CNNM1: variants seen among roughly 807,000 people sequenced by gnomAD.
The protein encoded by CNNM1 is cyclin and CBS domain divalent metal cation transport mediator 1, also known as metal transporter CNNM1.
Under a neutral mutation model 78.8 loss-of-function variants are expected in CNNM1, and 44 were observed. That is an observed-to-expected ratio of 0.56 (90% CI 0.44 to 0.72). The LOEUF (loss-of-function observed/expected upper bound fraction) is 0.72, where lower values mean the gene tolerates loss of function less well. Ranked by LOEUF, CNNM1 falls within the 30% of genes least tolerant of loss-of-function variation. The pLI is 0.00. For synonymous variants in CNNM1, 584 were observed against 581.5 expected, an observed-to-expected ratio of 1.00 and a Z score of -0.06; for missense variants, 1,101 against 1,292.2, an observed-to-expected ratio of 0.85 and a Z score of 2.27.
intron 1 of CNNM1, among the ~76,000 whole-genome samples, chr10:99,336,231 C>T (rs1333893994): frequency 6.6e-6 from 1 of 152,206 alleles, no homozygotes; most frequent in Non-Finnish European, 1.5e-5. Flanking sequence ...CTAACATCGT[C>T]CTAAGGCAAC....
chr10:99,365,105 G>A (rs1344758622), intron 6 of CNNM1, 103 bp downstream of exon 6: 1 of 1,149,082 alleles, frequency 8.7e-7, no homozygotes, highest in African/African-American at 1.5e-5. Context: ...CTGGGGCTAA[G>A]ACAAATGCTG....
chr10:99,356,799 A>T (rs1323971907), intron 1 of CNNM1, among the ~76,000 whole-genome samples: 5 of 152,122 alleles, frequency 3.3e-5, no homozygotes, highest in Non-Finnish European at 7.4e-5. Flanking sequence ...TGGGACTGGC[A>T]CCTAAGCACC....
At chr10:99,349,329 A>G (rs2030838783) in intron 1 of CNNM1, among the ~76,000 whole-genome samples, 1 of 152,164 alleles carries the variant, frequency 6.6e-6, no homozygotes, top group African/African-American at 2.4e-5. Flanking sequence ...AGGCATCAGT[A>G]TGTAACTCCA....
chr10:99,345,791 T>C (rs1057419290), intron 1 of CNNM1, among the ~76,000 whole-genome samples: 11 of 152,358 alleles, frequency 7.2e-5, no homozygotes, highest in African/African-American at 2.6e-4. Flanking sequence ...CAATTTTGGC[T>C]TCACCATTTA....
At position 99,330,943 on chromosome 10, in the gene CNNM1, TGGA is replaced by T. The variant is rs746145072; in HGVS notation, c.1561_1563del (p.Glu521del). On this transcript the variant is annotated inframe_deletion, in exon 1 of 11. Transcript: ENST00000356713. ...AATGACACCCGACTGGACACGGTTC[TGGA>T]GGAGTTTAAGAAGGGTGAGCAGTAG... is the stretch of plus-strand genomic sequence containing the variant. 4 of 1,612,376 alleles carry T rather than the reference TGGA, an allele frequency of 2.5e-6. No individual in the cohort carries two copies. The highest frequency in any genetic ancestry group is 3.4e-6 in the Non-Finnish European group (4 of 1,179,310).
chr10:99,334,647 T>C (rs2030086911), intron 1 of CNNM1, among the ~76,000 whole-genome samples: 1 of 152,116 alleles, frequency 6.6e-6, no homozygotes, highest in African/African-American at 2.4e-5. Context: ...AAAGACTCTG[T>C]CTCAAAATAA....
At chr10:99,356,506 G>A (rs796510215) in intron 1 of CNNM1, among the ~76,000 whole-genome samples, 59 of 131,050 alleles carry the variant, frequency 4.5e-4, no homozygotes, top group Non-Finnish European at 6.0e-4. Flanking sequence ...GAGAGAGAGA[G>A]AGAGAAAGAG....
Position 99,360,887 on chromosome 10 carries a change from C to T in CNNM1, c.1770C>T (p.Asp590=). 6.2e-7 allele frequency: 1 copy of T among 1,613,204 alleles called. No individual in the cohort carries two copies. Among genetic ancestry groups the T allele is most frequent in the Non-Finnish European group, 8.5e-7 (1 of 1,179,228 alleles). ...RVPQRERKRH[D]FSLFKLSDTE... is the part of the protein sequence containing the mutation. ...CGCAACGGGAGCGGAAGCGGCATGA[C>T]TTCTCCTTGTTTAAGCTTTCGGACA... The change falls in exon 3 of 11, where the codon GAC becomes GAT. Residue 590 remains aspartate (D), a synonymous_variant. Coordinates refer to ENST00000356713, the MANE Select transcript of CNNM1 (RefSeq NM_020348.3).
At chr10:99,363,958 T>A (rs2031523501) in intron 4 of CNNM1, among the ~76,000 whole-genome samples, 1 of 152,126 alleles carries the variant, frequency 6.6e-6, no homozygotes, top group African/African-American at 2.4e-5. Context: ...TTGGCCAGGC[T>A]AGTCTCAAAC....
At chr10:99,356,407 C>T (rs893753549) in intron 1 of CNNM1, among the ~76,000 whole-genome samples, 1 of 151,102 alleles carries the variant, frequency 6.6e-6, no homozygotes, top group Non-Finnish European at 1.5e-5. Context: ...ACCCGGAAGG[C>T]GGAGGTTGCA....
intron 1 of CNNM1, among the ~76,000 whole-genome samples, chr10:99,347,526 C>G (rs2030747222): frequency 1.4e-5 from 2 of 145,816 alleles, no homozygotes; most frequent in Non-Finnish European, 3.0e-5. Flanking sequence ...TCTCAAAAAA[C>G]AAAACAAAAC....
chr10:99,332,644 T>C (rs916926765), intron 1 of CNNM1, among the ~76,000 whole-genome samples: 1 of 152,174 alleles, frequency 6.6e-6, no homozygotes, highest in African/African-American at 2.4e-5. Context: ...CTGGGGTCTT[T>C]TTCCTGCCAC....
chr10:99,356,512 A>AAGAGAGAGAGAGAGAGAGAGAT (rs1491035462), intron 1 of CNNM1, among the ~76,000 whole-genome samples: 1 of 121,934 alleles, frequency 8.2e-6, no homozygotes, highest in Admixed American at 8.3e-5. Flanking sequence ...GAGAGAGAGA[A>AAGAGAGAGAGAGAGAGAGAGAT]AGAGAAAGAG....
At chr10:99,374,083 C>A (rs1279891021) in intron 6 of CNNM1, among the ~76,000 whole-genome samples, 1 of 152,178 alleles carries the variant, frequency 6.6e-6, no homozygotes, top group Non-Finnish European at 1.5e-5. Context: ...TGGGTAGATA[C>A]CCAGTTGTGG....
At chr10:99,388,483 T>C (rs2032375946) in intron 9 of CNNM1, among the ~76,000 whole-genome samples, 182 bp downstream of exon 9, 1 of 152,216 alleles carries the variant, frequency 6.6e-6, no homozygotes, top group African/African-American at 2.4e-5. Context: ...CATCAGGCCC[T>C]GTCTGATTCA....
chr10:99,348,216 T>A (rs558235151), intron 1 of CNNM1, among the ~76,000 whole-genome samples: 13 of 152,148 alleles, frequency 8.5e-5, no homozygotes, highest in South Asian at 2.1e-4. Flanking sequence ...CTAAATTTTT[T>A]AAAATTTTTT....
intron 1 of CNNM1, among the ~76,000 whole-genome samples, chr10:99,356,574 A>C (rs1174936655): frequency 6.5e-4 from 80 of 123,262 alleles, no homozygotes; most frequent in African/African-American, 2.2e-3. Context: ...GAAAGAAAGA[A>C]AGAAAGAAAG....
intron 7 of CNNM1, among the ~76,000 whole-genome samples, chr10:99,383,524 G>T (rs572788503): frequency 6.6e-6 from 1 of 152,160 alleles, no homozygotes; most frequent in South Asian, 2.1e-4. Flanking sequence ...CGCCCGCCTC[G>T]GCCTCCCAAA....
Position 99,330,172 on chromosome 10 carries a change from C to A in CNNM1, c.785C>A (p.Ser262Ter). The A allele has an allele frequency of 6.6e-7, 1 of 1,521,826 alleles. No individual in the cohort carries two copies. Among genetic ancestry groups the A allele is most frequent in the South Asian group, 1.2e-5 (1 of 80,726 alleles). 94.3% of individuals were successfully genotyped at this position (1,521,826 alleles called of 1,614,324 possible). ...VELRVLRNSG[S>*]AAEQEQARRV... ...TTACGGGTGCTGCGGAACAGCGGCT[C>A]GGCCGCCGAGCAGGAGCAGGCGCGC... Residue 262 changes from serine (S) to a stop codon, truncating the protein, a stop_gained, in exon 1 of 11, where the codon TCG becomes TAG. Transcript: ENST00000356713. LOFTEE classifies it high-confidence loss of function.
Sources: gnomAD v4.1 joint callset for allele counts (sites outside exome capture counted in the v4.1 genomes callset) on GRCh38, gnomAD v4.1.1 for gene constraint, MANE v1.5 for transcripts, NCBI Gene and HGNC (gene_info 2026-07-23, HGNC 2026-07-21) for gene names.